Variants in LIPI observed in about 807,000 individuals in gnomAD.
LIPI encodes the protein lipase member I.
In LIPI, 59 loss-of-function variants were observed where a neutral mutation model predicts 50.6. That is an observed-to-expected ratio of 1.16 (90% confidence interval 0.94 to 1.45). The LOEUF (loss-of-function observed/expected upper bound fraction) is 1.45, where lower values mean the gene tolerates loss of function less well. LIPI is among the 40% of genes most tolerant of loss of function. The probability of loss-of-function intolerance (pLI) is 0.00; values close to 1 mark genes in which losing one functional copy is unlikely to be tolerated. For synonymous variants in LIPI, 203 were observed against 178.2 expected, an observed-to-expected ratio of 1.14 and a Z score of -1.11; for missense variants, 586 against 536.3, an observed-to-expected ratio of 1.09 and a Z score of -0.92.
chr21:14,144,661 G>C lies in LIPI; in HGVS notation c.1257C>G (p.Ile419Met). 1 of 1,579,768 alleles carries C rather than the reference G, an allele frequency of 6.3e-7. No individual in the cohort carries two copies. The highest frequency in any genetic ancestry group is 8.7e-7 in the Non-Finnish European group (1 of 1,150,412). The change falls in exon 9 of 10, where the codon ATC becomes ATG. Residue 419 changes from isoleucine (I) to methionine (M), a missense_variant. Transcript: ENST00000681601. ...NLQCSTCTYK[I>M]QSLMLKSLTY... ...TAAGTGATTTTAACATGAGACTCTGGATCTTGTATGTGCATGTGGAACACT... is the reference window on the plus strand; with the variant it reads ...TAAGTGATTTTAACATGAGACTCTGCATCTTGTATGTGCATGTGGAACACT...
At chr21:14,165,516 T>A in intron 5 of LIPI, 126 bp from the exon 6 acceptor site, 2 of 662,578 alleles carry the variant, frequency 3.0e-6, no homozygotes, top group Non-Finnish European at 2.6e-6. Context: ...CTGACTATAA[T>A]ACACAGTTTT....
Position 14,210,857 on chromosome 21 carries a change from G to GA in LIPI, c.-13dup, listed in dbSNP as rs1184433204. On this transcript the variant is annotated 5_prime_UTR_variant, in exon 1 of 10. Coordinates refer to ENST00000681601, the MANE Select transcript of LIPI (RefSeq NM_001302998.2). ...ATGTATACTCTCATTTGGAATCTGA[G>GA]AAAAGCAAAAACAGCACTCAATTCA... is the stretch of plus-strand genomic sequence containing the variant. 8.9e-6 allele frequency: 11 copies of GA among 1,234,116 alleles called. No individual in the cohort carries two copies. Among genetic ancestry groups the GA allele is most frequent in the Non-Finnish European group, 1.1e-5 (11 of 962,764 alleles). The allele number at this position is 1,234,116 out of a possible 1,614,324, so 76.4% of individuals were successfully genotyped here.
At chr21:14,167,420 T>C (rs1284837665) in intron 4 of LIPI, among the ~76,000 whole-genome samples, 6 of 152,030 alleles carry the variant, frequency 3.9e-5, no homozygotes, top group Non-Finnish European at 7.4e-5. Context: ...CTCAAGTGGG[T>C]CCCTGACCCC....
intron 9 of LIPI, among the ~76,000 whole-genome samples, chr21:14,115,840 T>G (rs1234349861): frequency 6.6e-6 from 1 of 152,082 alleles, no homozygotes; most frequent in African/African-American, 2.4e-5. Flanking sequence ...AACGACCACT[T>G]ATCCAACCCA....
chr21:14,168,271 C>T (rs139339247), intron 4 of LIPI, among the ~76,000 whole-genome samples: 2,314 of 152,226 alleles, frequency 0.015, 67 homozygotes, highest in African/African-American at 0.052. Flanking sequence ...GAGAATGGAA[C>T]CAAGTTGGAA....
intron 8 of LIPI, among the ~76,000 whole-genome samples, chr21:14,147,377 C>T (rs2123073351): frequency 6.6e-6 from 1 of 152,218 alleles, no homozygotes; most frequent in Non-Finnish European, 1.5e-5. Flanking sequence ...TTATATGTCT[C>T]ATTATGCTAC....
intron 9 of LIPI, among the ~76,000 whole-genome samples, chr21:14,115,851 G>C (rs1336499972): frequency 6.6e-6 from 1 of 152,144 alleles, no homozygotes; most frequent in African/African-American, 2.4e-5. Context: ...ATCCAACCCA[G>C]AGTAGCTGGG....
Position 14,189,129 on chromosome 21 carries a change from A to C in LIPI, c.337T>G (p.Trp113Gly), listed in dbSNP as rs532929062. 1.4e-5 allele frequency: 23 copies of C among 1,613,832 alleles called. No homozygotes were observed. The highest frequency in any genetic ancestry group is 1.8e-5 in the Non-Finnish European group (21 of 1,180,006). ...ATAAAAGTTGTAGCACCCCGGCTCCAGTCTACTACAATTACATTCATATCT... is the reference window on the plus strand; with the variant it reads ...ATAAAAGTTGTAGCACCCCGGCTCCCGTCTACTACAATTACATTCATATCT... ...EEDMNVIVVD[W>G]SRGATTFIYN... Residue 113 changes from tryptophan (W) to glycine (G), a missense_variant, in exon 2 of 10, where the codon TGG (tryptophan) becomes GGG (glycine). Physicochemically the swap from Trp to Gly is radical, Grantham distance 184. Coordinates refer to ENST00000681601, the MANE Select transcript of LIPI (RefSeq NM_001302998.2).
intron 9 of LIPI, among the ~76,000 whole-genome samples, chr21:14,118,206 C>T (rs1391643400): frequency 6.6e-6 from 1 of 152,052 alleles, no homozygotes; most frequent in Non-Finnish European, 1.5e-5. Flanking sequence ...CAATGACTAC[C>T]TTGAAGACTG....
intron 1 of LIPI, 98 bp from the exon 2 acceptor site, chr21:14,189,517 A>G (rs2123283432): frequency 1.2e-5 from 13 of 1,045,602 alleles, no homozygotes; most frequent in Non-Finnish European, 1.7e-5. Flanking sequence ...GGTAGGGAGG[A>G]TTTCATTTCA....
chr21:14,178,779 G>A (rs1329272630), intron 4 of LIPI, among the ~76,000 whole-genome samples: 2 of 151,992 alleles, frequency 1.3e-5, no homozygotes, highest in African/African-American at 4.8e-5. Context: ...AAGTGTGCCT[G>A]GCTATCTTGG....
At chr21:14,169,314 A>T (rs1163168921) in intron 4 of LIPI, among the ~76,000 whole-genome samples, 1 of 152,124 alleles carries the variant, frequency 6.6e-6, no homozygotes, top group Non-Finnish European at 1.5e-5. Context: ...CGAGACAGAA[A>T]GTTAACAAGG....
chr21:14,190,889 A>G (rs548010264), intron 1 of LIPI, among the ~76,000 whole-genome samples: 3 of 152,324 alleles, frequency 2.0e-5, no homozygotes, highest in Admixed American at 2.0e-4. Flanking sequence ...GTCCACTCCA[A>G]GCTAAAGTCA....
intron 1 of LIPI, among the ~76,000 whole-genome samples, chr21:14,203,384 C>T (rs1470592367): frequency 1.3e-5 from 2 of 152,052 alleles, no homozygotes; most frequent in Non-Finnish European, 2.9e-5. Context: ...TACATACACA[C>T]TTACGTTTAT....
intron 9 of LIPI, among the ~76,000 whole-genome samples, chr21:14,142,733 C>T (rs915654557): frequency 3.3e-5 from 5 of 151,784 alleles, no homozygotes; most frequent in Admixed American, 6.6e-5. Flanking sequence ...ATCCTCCCGA[C>T]TTGGCCTCTG....
intron 8 of LIPI, among the ~76,000 whole-genome samples, chr21:14,148,599 G>A (rs1438127613): frequency 6.6e-6 from 1 of 152,098 alleles, no homozygotes; most frequent in African/African-American, 2.4e-5. Context: ...GTAGCATGCT[G>A]TACAGGTTTG....
chr21:14,177,529 T>C (rs1349581538), intron 4 of LIPI, among the ~76,000 whole-genome samples: 1 of 152,072 alleles, frequency 6.6e-6, no homozygotes, highest in Non-Finnish European at 1.5e-5. Flanking sequence ...TCTTTTAGAC[T>C]TCATAAAAAG....
intron 4 of LIPI, among the ~76,000 whole-genome samples, chr21:14,166,731 C>A (rs73346044): frequency 0.013 from 2,044 of 152,248 alleles, 49 homozygotes; most frequent in African/African-American, 0.046. Flanking sequence ...AGAGGGCAGC[C>A]AAGATGGCCG....
intron 9 of LIPI, among the ~76,000 whole-genome samples, chr21:14,127,523 G>T (rs908534417): frequency 4.0e-4 from 61 of 152,240 alleles, no homozygotes; most frequent in African/African-American, 1.1e-3. Context: ...TTACATAAAA[G>T]TTAAAATTGC....
Sources: allele counts gnomAD v4.1 joint callset (sites outside exome capture counted in the v4.1 genomes callset), GRCh38; gene constraint gnomAD v4.1.1; transcripts MANE v1.5; gene names NCBI Gene and HGNC (gene_info 2026-07-23, HGNC 2026-07-21).